CD1D: variants seen among roughly 807,000 people sequenced by gnomAD.
CD1D encodes CD1d molecule.
Under a neutral mutation model 42.1 loss-of-function variants are expected in CD1D, and 40 were observed. The ratio of observed to expected loss-of-function variants is 0.95; its 90% confidence interval spans 0.74 to 1.24. The LOEUF (loss-of-function observed/expected upper bound fraction) is 1.24, where lower values mean the gene tolerates loss of function less well. Ranked by LOEUF, CD1D falls within the 50% of genes most tolerant of loss-of-function variation. CD1D has a pLI of 0.00. For missense variants in CD1D, 437 were observed against 416.5 expected (o/e 1.05, Z -0.43); for synonymous variants, 178 against 171.8 (o/e 1.04, Z -0.28).
chr1:158,184,482 T>C lies in CD1D; in HGVS notation c.*332T>C. On this transcript the variant is annotated 3_prime_UTR_variant, in exon 6 of 6. Transcript: ENST00000674085. ...GCTGATGTGAGTGTGTGTGATGGGA[T>C]CTGTAAGGAACTGGAACACACATGT... 2.6e-6 allele frequency: 1 copy of C among 390,764 alleles called. No individual in the cohort carries two copies. Among genetic ancestry groups the C allele is most frequent in the South Asian group, 3.1e-5 (1 of 32,170 alleles). 24.2% of individuals were successfully genotyped at this position (390,764 alleles called of 1,614,324 possible).
chr1:158,179,128 C>T (rs1024433071), upstream of CD1D, among the ~76,000 whole-genome samples: 2 of 152,108 alleles, frequency 1.3e-5, no homozygotes, highest in Admixed American at 1.3e-4. Flanking sequence ...TTAAAGGGAG[C>T]TTGGAAATTT....
Position 158,184,451 on chromosome 1 carries a change from G to A in CD1D, c.*301G>A. 2.1e-6 allele frequency: 1 copy of A among 471,162 alleles called. No individual in the cohort carries two copies. The highest frequency in any genetic ancestry group is 2.3e-5 in the South Asian group (1 of 43,434). The allele number at this position is 471,162 out of a possible 1,614,324, so 29.2% of individuals were successfully genotyped here. ...CTGAAGACCTACCAGGGACAAGCAG[G>A]TAAGAGCTGATGTGAGTGTGTGTGA... is the stretch of plus-strand genomic sequence containing the variant. On this transcript the variant is annotated 3_prime_UTR_variant, in exon 6 of 6. Transcript: ENST00000674085.
intron 3 of CD1D, chr1:158,182,547 G>T (rs934422176): frequency 3.8e-5 from 23 of 605,322 alleles, no homozygotes; most frequent in Non-Finnish European, 5.3e-5. Flanking sequence ...TAGGATCCCT[G>T]CTTGGTAGGG....
Position 158,183,920 on chromosome 1 carries a change from T to C in CD1D, c.887-16T>C, listed in dbSNP as rs1224736912. On this transcript the variant is annotated splice_polypyrimidine_tract_variant and intron_variant, in intron 4 of 5. Transcript: ENST00000674085. ...GGGTCCTGTGCTGAGAGACAGCCTATGTTCCTCCAGAGCAGGTGGGAGCTA... is the reference window on the plus strand; with the variant it reads ...GGGTCCTGTGCTGAGAGACAGCCTACGTTCCTCCAGAGCAGGTGGGAGCTA... 1.9e-6 allele frequency: 3 copies of C among 1,605,894 alleles called. No homozygotes were observed. The East Asian group carries it at 6.7e-5, about 36-fold the overall frequency.
In CD1D at chr1:158,185,302, C is replaced by T. The variant is rs981296822; in HGVS notation, c.*1152C>T. Among the ~76,000 whole-genome samples, 3 of 152,196 alleles carry T rather than the reference C, an allele frequency of 2.0e-5. No individual in the cohort carries two copies. Among genetic ancestry groups the T allele is most frequent in the African/African-American group, 4.8e-5 (2 of 41,454 alleles). On this transcript the variant is annotated 3_prime_UTR_variant, in exon 6 of 6. Transcript: ENST00000674085. Reference sequence around the variant, plus strand: ...CCCAGAAAAAATAAGTGAGACTTAACGGTTGGAGAGTGTTTGCTTGAGAAA... The same window carrying T: ...CCCAGAAAAAATAAGTGAGACTTAATGGTTGGAGAGTGTTTGCTTGAGAAA...
rs753081022 is a variant in CD1D, at chr1:158,181,696, A to G, written c.303A>G (p.Glu101=). The G allele has an allele frequency of 1.2e-6, 2 of 1,611,336 alleles. No homozygotes were observed. The highest frequency in any genetic ancestry group is 1.7e-6 in the Non-Finnish European group (2 of 1,180,010). The change falls in exon 2 of 6, where the codon GAA becomes GAG. Residue 101 remains glutamate (E), a synonymous_variant. Coordinates refer to ENST00000674085, the MANE Select transcript of CD1D (RefSeq NM_001371762.2). ...GCAGCTTCACCAGGGACGTGAAGGAATTCGCCAAAATGCTACGCTTATCCT... is the reference window on the plus strand; with the variant it reads ...GCAGCTTCACCAGGGACGTGAAGGAGTTCGCCAAAATGCTACGCTTATCCT... The part of the protein sequence containing the change: ...YRSSFTRDVK[E]FAKMLRLSYP...
chr1:158,182,749 G>GAACA (rs1467104675), intron 3 of CD1D, 129 bp from the exon 4 acceptor site: 57 of 1,108,698 alleles, frequency 5.1e-5, no homozygotes, highest in Non-Finnish European at 6.9e-5. Flanking sequence ...TTCCAGAAGT[G>GAACA]AACATGTCAG....
In CD1D at chr1:158,182,984, G is replaced by C; in HGVS notation, c.714G>C (p.Trp238Cys). 1 of 1,614,202 alleles carries C rather than the reference G, an allele frequency of 6.2e-7. No homozygotes were observed. Among genetic ancestry groups the C allele is most frequent in the Non-Finnish European group, 8.5e-7 (1 of 1,180,036 alleles). ...GFYPKPVWVK[W>C]MRGEQEQQGT... ...ACCCAAAGCCTGTATGGGTGAAGTGGATGCGGGGTGAGCAGGAGCAGCAGG... is the reference window on the plus strand; with the variant it reads ...ACCCAAAGCCTGTATGGGTGAAGTGCATGCGGGGTGAGCAGGAGCAGCAGG... The change falls in exon 4 of 6, where the codon TGG (tryptophan) becomes TGC (cysteine). Residue 238 changes from tryptophan (W) to cysteine (C), a missense_variant. Coordinates refer to ENST00000674085, the MANE Select transcript of CD1D (RefSeq NM_001371762.2).
At position 158,184,254 on chromosome 1, in the gene CD1D, A is replaced by G; in HGVS notation, c.*104A>G. On this transcript the variant is annotated 3_prime_UTR_variant, in exon 6 of 6. Coordinates refer to ENST00000674085, the MANE Select transcript of CD1D (RefSeq NM_001371762.2). ...CAGGAATTGAAGATGTAAGGAATTG[A>G]AGATAGGAGAGATACCTTGAAAAAG... 8.5e-7 allele frequency: 1 copy of G among 1,170,532 alleles called. No individual in the cohort carries two copies. The highest frequency in any genetic ancestry group is 2.3e-5 in the East Asian group (1 of 42,922). The allele number at this position is 1,170,532 out of a possible 1,614,324, so 72.5% of individuals were successfully genotyped here.
Position 158,181,019 on chromosome 1 carries a change from T to G in CD1D, c.-83T>G. 1.3e-5 allele frequency: 16 copies of G among 1,270,024 alleles called. No homozygotes were observed. The highest frequency in any genetic ancestry group is 1.7e-5 in the Non-Finnish European group (16 of 935,122). The allele number at this position is 1,270,024 out of a possible 1,614,324, so 78.7% of individuals were successfully genotyped here. On this transcript the variant is annotated 5_prime_UTR_variant, in exon 1 of 6. Transcript: ENST00000674085. ...GGCTGGCACCCAGCGGAAAGGGACG[T>G]GAGCTGAGCGGCGGGGGAGAAGAGT...
rs551053189 is a variant in CD1D at position 158,185,548 on chromosome 1, C to T, written c.*1398C>T. On this transcript the variant is annotated 3_prime_UTR_variant, in exon 6 of 6. Transcript: ENST00000674085. ...TACAAAAAATTAAAAAACTAGCCAC[C>T]CATGGTGGTGAGCGCCTGTAGTCCT... Among the ~76,000 whole-genome samples, 3 of 152,056 alleles carry T rather than the reference C, an allele frequency of 2.0e-5. No individual in the cohort carries two copies. Among genetic ancestry groups the T allele is most frequent in the Admixed American group, 6.5e-5 (1 of 15,290 alleles).
At position 158,184,036 on chromosome 1, in the gene CD1D, G is replaced by A. The variant is rs775899867; in HGVS notation, c.986+1G>A. Reference sequence around the variant, plus strand: ...TTACCTCCCGGTTTAAGAGGCAAACGTAAGTCTCCCCTTTCCCTTTCCTCA... The same window carrying A: ...TTACCTCCCGGTTTAAGAGGCAAACATAAGTCTCCCCTTTCCCTTTCCTCA... On this transcript the variant is annotated splice_donor_variant, in intron 5 of 5. Coordinates refer to ENST00000674085, the MANE Select transcript of CD1D (RefSeq NM_001371762.2). LOFTEE classifies it high-confidence loss of function. The A allele has an allele frequency of 5.6e-6, 9 of 1,613,818 alleles. No homozygotes were observed. The highest frequency in any genetic ancestry group is 4.0e-5 in the African/African-American group (3 of 74,890).
In CD1D at chr1:158,183,144, G is replaced by A. The variant is rs375741058; in HGVS notation, c.874G>A (p.Val292Ile). 3.9e-5 allele frequency: 62 copies of A among 1,606,924 alleles called. No individual in the cohort carries two copies. The highest frequency in any genetic ancestry group is 2.5e-4 in the Admixed American group (15 of 59,790). ...CAGCAGTCTAGAGGGCCAGGACATC[G>A]TCCTCTACTGGGGTGAGAAAAAGCT... ...KHSSLEGQDI[V>I]LYWGGSYTSM... Residue 292 changes from valine to isoleucine, a missense_variant, in exon 4 of 6, where the codon GTC (valine) becomes ATC (isoleucine). Val to Ile is a conservative substitution (Grantham distance 29, BLOSUM62 3). Transcript: ENST00000674085.
chr1:158,183,412 A>C (rs891220903), intron 4 of CD1D, among the ~76,000 whole-genome samples: 7 of 152,350 alleles, frequency 4.6e-5, no homozygotes, highest in African/African-American at 1.7e-4. Context: ...ATCCAGAAGT[A>C]GGCAGCGAAT....
Position 158,184,004 on chromosome 1 carries a change from G to A in CD1D, c.955G>A (p.Val319Met), listed in dbSNP as rs1648587947. ...GGCGTGCTTGCTGTTCCTCCTCATT[G>A]TGGGCTTTACCTCCCGGTTTAAGAG... Reference protein sequence around the residue: ...VLACLLFLLIVGFTSRFKRQT... With the variant: ...VLACLLFLLIMGFTSRFKRQT... Residue 319 changes from valine to methionine, a missense_variant, in exon 5 of 6, where the codon GTG becomes ATG. Coordinates refer to ENST00000674085, the MANE Select transcript of CD1D (RefSeq NM_001371762.2). 2 of 1,614,166 alleles carry A rather than the reference G, an allele frequency of 1.2e-6. No individual in the cohort carries two copies. Among genetic ancestry groups the A allele is most frequent in the Non-Finnish European group, 1.7e-6 (2 of 1,180,020 alleles).
In CD1D at chr1:158,181,564, C is replaced by G. The variant is rs369994630; in HGVS notation, c.171C>G (p.Ser57Arg). The change falls in exon 2 of 6, where the codon AGC becomes AGG. Residue 57 changes from serine (S) to arginine (R), a missense_variant. By Grantham distance (110) the Ser-to-Arg change is moderately radical (BLOSUM62 -1). Coordinates refer to ENST00000674085, the MANE Select transcript of CD1D (RefSeq NM_001371762.2). ...GGCTGGGGGAGCTGCAGACGCACAG[C>G]TGGAGCAACGACTCGGACACCGTCC... Reference protein sequence around the residue: ...LAWLGELQTHSWSNDSDTVRS... With the variant: ...LAWLGELQTHRWSNDSDTVRS... 1 of 1,614,068 alleles carries G rather than the reference C, an allele frequency of 6.2e-7. No homozygotes were observed. Among genetic ancestry groups the G allele is most frequent in the African/African-American group, 1.3e-5 (1 of 74,918 alleles).
upstream of CD1D, chr1:158,180,266 C>T (rs859008): frequency 0.12 from 18,604 of 152,226 alleles, 1,605 homozygotes; most frequent in East Asian, 0.43. Context: ...CTTACACTTA[C>T]TGTTTAAGAC....
chr1:158,178,365 G>A (rs1482835888), upstream of CD1D, among the ~76,000 whole-genome samples: 2 of 152,146 alleles, frequency 1.3e-5, no homozygotes, highest in African/African-American at 4.8e-5. Context: ...TTATCCTCCT[G>A]ATAGCTATTA....
rs180809039 is a variant in CD1D at position 158,181,394 on chromosome 1, C to T, written c.62-61C>T. ...CTCCTCTTGTTTCTTTCTTCCTTCT[C>T]TTTATGCTGGCTGCTCTCCCGGCCA... is the stretch of plus-strand genomic sequence containing the variant. On this transcript the variant is annotated intron_variant, in intron 1 of 5. Transcript: ENST00000674085. 1.1e-5 allele frequency: 18 copies of T among 1,595,478 alleles called. No homozygotes were observed. In the African/African-American group the frequency reaches 1.9e-4, roughly 17 times the overall value.
Sources: allele counts gnomAD v4.1 joint callset (sites outside exome capture counted in the v4.1 genomes callset), GRCh38; gene constraint gnomAD v4.1.1; transcripts MANE v1.5; gene names NCBI Gene and HGNC (gene_info 2026-07-23, HGNC 2026-07-21).